Variants in TNRC18 observed in about 807,000 individuals in gnomAD.
TNRC18 encodes the protein trinucleotide repeat-containing gene 18 protein.
TNRC18 carries 69 observed loss-of-function variants against 226.7 expected under a neutral mutation model. The ratio of observed to expected loss-of-function variants is 0.30; its 90% CI spans 0.25 to 0.37. The LOEUF (loss-of-function observed/expected upper bound fraction) is 0.37. Among genes scored for constraint, TNRC18 ranks in the 10% least tolerant of loss-of-function variants. TNRC18 has a pLI of 1.00. For synonymous variants in TNRC18, 2,449 were observed against 1,927.6 expected (o/e 1.27, Z -7.09); for missense variants, 4,754 against 4,256.6 (o/e 1.12, Z -3.25).
chr7:5,374,702 C>T (rs575199428), intron 9 of TNRC18, among the ~76,000 whole-genome samples: 12 of 152,270 alleles, frequency 7.9e-5, no homozygotes, highest in East Asian at 3.9e-4. Context: ...CAAAAGGCAG[C>T]GCTGGGGGTG....
intron 2 of TNRC18, among the ~76,000 whole-genome samples, chr7:5,395,306 C>T (rs1780595361): frequency 6.6e-6 from 1 of 152,116 alleles, no homozygotes; most frequent in Admixed American, 6.5e-5. Context: ...AAGGGAGCCC[C>T]GTGGAGGGCA....
chr7:5,323,450 C>T (rs1224810383), intron 21 of TNRC18, among the ~76,000 whole-genome samples: 2 of 151,782 alleles, frequency 1.3e-5, no homozygotes, highest in Admixed American at 1.3e-4. Context: ...GCCTCCTTCC[C>T]TGCTGCCCCC....
intron 2 of TNRC18, among the ~76,000 whole-genome samples, chr7:5,397,941 C>T (rs1780808036): frequency 6.6e-6 from 1 of 152,178 alleles, no homozygotes. Context: ...GAACCTGCCA[C>T]CTGTGACCTG....
At chr7:5,322,544 G>T (rs1475992251) in intron 21 of TNRC18, among the ~76,000 whole-genome samples, 5 of 152,030 alleles carry the variant, frequency 3.3e-5, no homozygotes, top group Non-Finnish European at 5.9e-5. Flanking sequence ...CTCCCACCTC[G>T]GCCCCCCAAA....
chr7:5,315,630 G>T (rs1047148250), intron 25 of TNRC18, among the ~76,000 whole-genome samples: 4 of 152,168 alleles, frequency 2.6e-5, no homozygotes, highest in African/African-American at 9.7e-5. Flanking sequence ...CACCATATTG[G>T]CTGGGATGGT....
At chr7:5,328,049 C>T (rs901740216) in intron 19 of TNRC18, among the ~76,000 whole-genome samples, 1 of 151,640 alleles carries the variant, frequency 6.6e-6, no homozygotes, top group African/African-American at 2.4e-5. Flanking sequence ...TGGTGAAACC[C>T]CGTCTCTACT....
intron 11 of TNRC18, among the ~76,000 whole-genome samples, chr7:5,367,856 A>G (rs181987334): frequency 6.6e-6 from 1 of 152,204 alleles, no homozygotes; most frequent in East Asian, 1.9e-4. Flanking sequence ...GGCGTTGCTC[A>G]CACAGGCCAA....
intron 29 of TNRC18, among the ~76,000 whole-genome samples, chr7:5,308,600 A>G (rs1786840299): frequency 6.6e-6 from 1 of 152,116 alleles, no homozygotes; most frequent in Admixed American, 6.5e-5. Flanking sequence ...ACTGAAAGAT[A>G]GAGGTTGGGA....
At chr7:5,398,991 A>T (rs2067073922) in intron 2 of TNRC18, among the ~76,000 whole-genome samples, 1 of 152,192 alleles carries the variant, frequency 6.6e-6, no homozygotes, top group Admixed American at 6.5e-5. Flanking sequence ...GGAGAGGATC[A>T]AGGCATCCCG....
chr7:5,312,280 G>A lies in TNRC18; in HGVS notation c.8388+223C>T, dbSNP rs1239429844. 6.6e-6 allele frequency among the ~76,000 whole-genome samples: 1 copy of A among 152,224 alleles called. No homozygotes were observed. The highest frequency in any genetic ancestry group is 1.5e-5 in the Non-Finnish European group (1 of 68,036). ...TCTGCGTCCCGGGACCAGAGGGCAGGACCACTCTGCTCTGAAGGACTCGGG... is the reference window on the plus strand; with the variant it reads ...TCTGCGTCCCGGGACCAGAGGGCAGAACCACTCTGCTCTGAAGGACTCGGG... On this transcript the variant is annotated intron_variant, in intron 27 of 29. Transcript: ENST00000430969. This position sits in a 1 kb window ranked among gnomAD's most constrained non-coding sequence, Gnocchi z 6.3.
chr7:5,390,548 G>C lies in TNRC18; in HGVS notation c.424C>G (p.Leu142Val). ...HLEPPSSGSPLLSQLGQPSIF... is the reference protein window; with the variant it reads ...HLEPPSSGSPVLSQLGQPSIF... ...CTGGGCTGACCCAGCTGGCTGAGGA[G>C]GGGGCTCCCACTGCTGGGGGGCTCC... The change falls in exon 4 of 30, where the codon CTC becomes GTC. Residue 142 changes from leucine (L) to valine (V), a missense_variant. Transcript: ENST00000430969. The C allele has an allele frequency of 6.2e-7, 1 of 1,613,604 alleles. No individual in the cohort carries two copies. The highest frequency in any genetic ancestry group is 8.5e-7 in the Non-Finnish European group (1 of 1,179,756).
At chr7:5,354,795 G>A (rs1233796151) in intron 16 of TNRC18, among the ~76,000 whole-genome samples, 1 of 152,190 alleles carries the variant, frequency 6.6e-6, no homozygotes, top group Admixed American at 6.5e-5. Context: ...GCCACGTTCA[G>A]CTCTCTGCCC....
rs186390578 is a variant in TNRC18 at position 5,324,272 on chromosome 7, G to A, written c.6384C>T (p.Ser2128=). The change falls in exon 21 of 30, where the codon AGC becomes AGT. Residue 2128 remains serine, a synonymous_variant. Transcript: ENST00000430969. This position sits in a 1 kb window ranked among gnomAD's most constrained non-coding sequence, Gnocchi z 4.8. The part of the protein sequence containing the change: ...EEDFEPNQDS[S]FSEDEHLPRG... ...GCGGCAGGTGCTCGTCCTCAGAGAA[G>A]CTCGAGTCTTGGTTGGGTTCAAAGT... is the stretch of plus-strand genomic sequence containing the variant. 8,611 of 1,613,218 alleles carry A rather than the reference G, an allele frequency of 5.3e-3. 30 individuals are homozygous for A. Among genetic ancestry groups the A allele is most frequent in the Non-Finnish European group, 6.5e-3 (7,645 of 1,179,702 alleles).
chr7:5,390,471 G>C lies in TNRC18; in HGVS notation c.487+14C>G, dbSNP rs543590034. 1.1e-4 allele frequency: 171 copies of C among 1,613,172 alleles called. 1 individual carries two copies. In the East Asian group the frequency reaches 3.0e-3, roughly 28 times the overall value. On this transcript the variant is annotated intron_variant, in intron 4 of 29. Transcript: ENST00000430969. ...GGCCCCTGTGCCACCCCCAACCCCGGACTCCAGTCTTACCTCCTCCTGGCC... is the reference window on the plus strand; with the variant it reads ...GGCCCCTGTGCCACCCCCAACCCCGCACTCCAGTCTTACCTCCTCCTGGCC...
chr7:5,415,967 G>T (rs1300208184), intron 2 of TNRC18, among the ~76,000 whole-genome samples: 2 of 150,620 alleles, frequency 1.3e-5, no homozygotes, highest in African/African-American at 4.9e-5. Flanking sequence ...AAAAAAAATT[G>T]GCTGGGCGTG....
intron 18 of TNRC18, among the ~76,000 whole-genome samples, chr7:5,340,293 C>A (rs888104272): frequency 6.6e-6 from 1 of 152,210 alleles, no homozygotes; most frequent in Admixed American, 6.5e-5. Context: ...GAGAGAAGAT[C>A]AAACCACCCT....
rs777449440 is a variant in TNRC18 at position 5,362,705 on chromosome 7, G to A, written c.4340C>T (p.Pro1447Leu). 7.6e-6 allele frequency: 12 copies of A among 1,581,988 alleles called. No homozygotes were observed. In the East Asian group the frequency reaches 1.2e-4, roughly 15 times the overall value. ...CTTCTTGTTGGGCTTCAGCTCCCGCGGGAGCCGCAGGTTCTTGAGTGGGTC... is the reference window on the plus strand; with the variant it reads ...CTTCTTGTTGGGCTTCAGCTCCCGCAGGAGCCGCAGGTTCTTGAGTGGGTC... ...VVDPLKNLRL[P>L]RELKPNKKYS... Residue 1447 changes from proline to leucine, a missense_variant, in exon 12 of 30, where the codon CCG becomes CTG. By Grantham distance (98) the Pro-to-Leu change is moderately conservative. Transcript: ENST00000430969.
Position 5,387,907 on chromosome 7 carries a change from G to A in TNRC18, c.1917C>T (p.His639=), listed in dbSNP as rs1779923082. 1.3e-6 allele frequency: 2 copies of A among 1,593,268 alleles called. No homozygotes were observed. The highest frequency in any genetic ancestry group is 1.3e-5 in the African/African-American group (1 of 74,710). The change falls in exon 5 of 30, where the codon CAC becomes CAT. Residue 639 remains histidine, a synonymous_variant. Coordinates refer to ENST00000430969, the MANE Select transcript of TNRC18 (RefSeq NM_001080495.3). ...GASRAQARLP[H]SGGPAAGGGR... is the part of the protein sequence containing the mutation. ...CGCCGCCCGCTGCAGGGCCTCCGGA[G>A]TGTGGGAGACGGGCCTGGGCTCGGG...
intron 17 of TNRC18, among the ~76,000 whole-genome samples, chr7:5,346,427 C>T (rs1209393872): frequency 3.9e-5 from 6 of 152,098 alleles, no homozygotes; most frequent in Admixed American, 1.3e-4. Flanking sequence ...ACCCGGGAGG[C>T]GGAGGTTGCA....
Sources: allele counts gnomAD v4.1 joint callset (sites outside exome capture counted in the v4.1 genomes callset), GRCh38; gene constraint gnomAD v4.1.1; non-coding constraint Gnocchi (gnomAD v3.1); transcripts MANE v1.5; gene names NCBI Gene and HGNC (gene_info 2026-07-23, HGNC 2026-07-21).